CFDP1: variants seen among roughly 807,000 people sequenced by gnomAD.
CFDP1 encodes chromatin remodeling protein CFDP1.
CFDP1 carries 31 observed loss-of-function variants against 40.1 expected under a neutral mutation model. The ratio of observed to expected loss-of-function variants is 0.77; its 90% CI spans 0.58 to 1.04. The LOEUF (loss-of-function observed/expected upper bound fraction) is 1.04, where lower values mean the gene tolerates loss of function less well. Ranked by LOEUF, CFDP1 falls within the 50% of genes least tolerant of loss-of-function variation. The probability of loss-of-function intolerance (pLI) is 0.00; values close to 1 mark genes in which losing one functional copy is unlikely to be tolerated. For missense variants in CFDP1, 423 were observed against 343.4 expected (o/e 1.23, Z -1.83); for synonymous variants, 167 against 120.0 (o/e 1.39, Z -2.56).
At chr16:75,298,591 A>G (rs2078200332) in intron 6 of CFDP1, among the ~76,000 whole-genome samples, 1 of 152,266 alleles carries the variant, frequency 6.6e-6, no homozygotes, top group African/African-American at 2.4e-5. Flanking sequence ...AGCATGGGCT[A>G]CGGCAGCACT....
chr16:75,295,686 G>GAA (rs2078177352), intron 6 of CFDP1, among the ~76,000 whole-genome samples: 1 of 152,194 alleles, frequency 6.6e-6, no homozygotes, highest in Non-Finnish European at 1.5e-5. Flanking sequence ...CAATGACAGG[G>GAA]CCTGCTCTTA....
intron 5 of CFDP1, among the ~76,000 whole-genome samples, chr16:75,347,847 C>T (rs2078580668): frequency 1.3e-5 from 2 of 152,110 alleles, no homozygotes; most frequent in Non-Finnish European, 2.9e-5. Flanking sequence ...TCTCCAACAT[C>T]CATAACCTCA....
chr16:75,390,649 A>G (rs549507573), intron 5 of CFDP1, among the ~76,000 whole-genome samples: 1 of 152,362 alleles, frequency 6.6e-6, no homozygotes, highest in East Asian at 1.9e-4. Flanking sequence ...ATATTCTTTA[A>G]TAAGCCTCAG....
At chr16:75,309,144 CCTGTTTGTGGG>C (rs1324868155) in intron 5 of CFDP1, among the ~76,000 whole-genome samples, 3 of 152,182 alleles carry the variant, frequency 2.0e-5, no homozygotes, top group Non-Finnish European at 4.4e-5. Context: ...CTTCCTAGAA[CCTGTTTGTGGG>C]CTCCCTCAGG....
intron 5 of CFDP1, among the ~76,000 whole-genome samples, chr16:75,358,195 C>G (rs971225392): frequency 6.6e-6 from 1 of 152,036 alleles, no homozygotes; most frequent in African/African-American, 2.4e-5. Context: ...CAAAATAGGA[C>G]AGAGACATGA....
rs562579767 is a variant in CFDP1, at chr16:75,337,294, A to G, written c.651-32112T>C. Among the ~76,000 whole-genome samples, 9 of 152,280 alleles carry G rather than the reference A, an allele frequency of 5.9e-5. No homozygotes were observed. In the South Asian group the frequency reaches 1.9e-3, roughly 32 times the overall value. On this transcript the variant is annotated intron_variant, in intron 5 of 6. Coordinates refer to ENST00000283882, the MANE Select transcript of CFDP1 (RefSeq NM_006324.3). ...AGGTGGAGCAGCGGCCACAGGCAGTACCACAAGGCAGGCAAGATCCATGGG... is the reference window on the plus strand; with the variant it reads ...AGGTGGAGCAGCGGCCACAGGCAGTGCCACAAGGCAGGCAAGATCCATGGG...
chr16:75,382,812 C>A (rs945322915), intron 5 of CFDP1, among the ~76,000 whole-genome samples: 2 of 151,726 alleles, frequency 1.3e-5, no homozygotes, highest in African/African-American at 2.4e-5. Flanking sequence ...ATGTCATGCT[C>A]TATTTGACTG....
chr16:75,341,851 G>A (rs1046203353), intron 5 of CFDP1, among the ~76,000 whole-genome samples: 7 of 152,088 alleles, frequency 4.6e-5, no homozygotes, highest in Admixed American at 2.0e-4. Context: ...GAGGCAGTGT[G>A]GTTCCATGGA....
At chr16:75,399,514 A>G (rs781438785) in intron 4 of CFDP1, among the ~76,000 whole-genome samples, 1 of 152,202 alleles carries the variant, frequency 6.6e-6, no homozygotes, top group Non-Finnish European at 1.5e-5. Flanking sequence ...AAGAAGTATA[A>G]CAGAAAAGGG....
At chr16:75,422,977 C>A (rs1430184629) in intron 1 of CFDP1, among the ~76,000 whole-genome samples, 3 of 151,826 alleles carry the variant, frequency 2.0e-5, no homozygotes, top group Non-Finnish European at 1.5e-5. Context: ...GAGACCTCAT[C>A]TCTACAAAAA....
intron 6 of CFDP1, among the ~76,000 whole-genome samples, chr16:75,301,473 T>TGTCTG (rs752227015): frequency 4.1e-4 from 61 of 150,568 alleles, no homozygotes; most frequent in Non-Finnish European, 6.7e-4. Flanking sequence ...CCAGAGCCTG[T>TGTCTG]GTCTGTGTCT....
intron 1 of CFDP1, among the ~76,000 whole-genome samples, chr16:75,428,830 G>C (rs565105311): frequency 6.6e-6 from 1 of 151,744 alleles, no homozygotes; most frequent in East Asian, 2.0e-4. Context: ...TAGAAAATGG[G>C]AACAGGCCAG....
chr16:75,368,654 C>G (rs955016461), intron 5 of CFDP1, among the ~76,000 whole-genome samples: 3 of 151,834 alleles, frequency 2.0e-5, no homozygotes, highest in Non-Finnish European at 2.9e-5. Flanking sequence ...ATACCTTACA[C>G]TTTACTTTTG....
chr16:75,373,642 T>C (rs549436962), intron 5 of CFDP1, among the ~76,000 whole-genome samples: 15 of 152,176 alleles, frequency 9.9e-5, no homozygotes, highest in Non-Finnish European at 1.9e-4. Context: ...CCCTAAAGAC[T>C]GTATTCTTTT....
intron 5 of CFDP1, among the ~76,000 whole-genome samples, chr16:75,360,752 C>T (rs1213108103): frequency 1.3e-5 from 2 of 152,140 alleles, no homozygotes; most frequent in South Asian, 2.1e-4. Context: ...GTTTGATGTG[C>T]TTAAAAGAAC....
At chr16:75,359,423 A>G (rs2078667453) in intron 5 of CFDP1, among the ~76,000 whole-genome samples, 1 of 152,144 alleles carries the variant, frequency 6.6e-6, no homozygotes, top group Non-Finnish European at 1.5e-5. Context: ...AAAATAGCAA[A>G]GCTCTGCAGA....
intron 1 of CFDP1, among the ~76,000 whole-genome samples, chr16:75,416,318 A>C (rs781157630): frequency 2.0e-5 from 3 of 152,176 alleles, no homozygotes; most frequent in Non-Finnish European, 4.4e-5. Flanking sequence ...TTAAAAACTT[A>C]AGGAAAAAGG....
intron 1 of CFDP1, among the ~76,000 whole-genome samples, chr16:75,432,469 T>C (rs2079433243): frequency 6.6e-6 from 1 of 151,294 alleles, no homozygotes. Flanking sequence ...GAGGATCGCT[T>C]GAGCCCAGGA....
At chr16:75,317,356 A>G (rs1376750275) in intron 5 of CFDP1, among the ~76,000 whole-genome samples, 1 of 152,236 alleles carries the variant, frequency 6.6e-6, no homozygotes, top group South Asian at 2.1e-4. Flanking sequence ...CCTCTGCTCT[A>G]GCAATTTCCT....
Sources: allele counts gnomAD v4.1 joint callset (sites outside exome capture counted in the v4.1 genomes callset), GRCh38; gene constraint gnomAD v4.1.1; transcripts MANE v1.5; gene names NCBI Gene and HGNC (gene_info 2026-07-23, HGNC 2026-07-21).